The following SNX25 variants were observed in gnomAD, a reference collection of about 807,000 sequenced individuals.
SNX25 encodes the protein sorting nexin 25, also known as sorting nexin-25.
A neutral mutation model predicts 113.7 loss-of-function variants in SNX25; 62 were observed. That is an observed-to-expected ratio of 0.55 (90% CI 0.44 to 0.67). The LOEUF (loss-of-function observed/expected upper bound fraction) is 0.67. SNX25 is among the 30% of genes least tolerant of loss of function. The pLI, the probability that SNX25 is intolerant of heterozygous loss-of-function variation, is 0.00. For missense variants in SNX25, 1,014 were observed against 1,161.0 expected, an observed-to-expected ratio of 0.87 and a Z score of 1.84; for synonymous variants, 421 against 436.2, an observed-to-expected ratio of 0.97 and a Z score of 0.43.
Position 185,339,403 on chromosome 4 carries a change from A to G in SNX25, c.1939A>G (p.Ile647Val). Reference sequence around the variant, plus strand: ...GATTGTTTCCAAGTTGAAGGATGAAATAATCCTAATAGAGAAAGAACGCAC... The same window carrying G: ...GATTGTTTCCAAGTTGAAGGATGAAGTAATCCTAATAGAGAAAGAACGCAC... Reference protein sequence around the residue: ...KKIVSKLKDEIILIEKERTDL... With the variant: ...KKIVSKLKDEVILIEKERTDL... The change falls in exon 11 of 19, where the codon ATA (isoleucine) becomes GTA (valine). Residue 647 changes from isoleucine (I) to valine (V), a missense_variant. Physicochemically the swap from Ile to Val is conservative, Grantham distance 29. Transcript: ENST00000652585. The G allele has an allele frequency of 6.2e-7, 1 of 1,614,058 alleles. No homozygotes were observed. Among genetic ancestry groups the G allele is most frequent in the Non-Finnish European group, 8.5e-7 (1 of 1,179,940 alleles).
chr4:185,227,447 G>A (rs1293111725), intron 1 of SNX25, among the ~76,000 whole-genome samples: 6 of 152,172 alleles, frequency 3.9e-5, no homozygotes, highest in African/African-American at 1.2e-4. Context: ...TGCTGTTCCC[G>A]AGTTTACCAT....
At position 185,258,919 on chromosome 4, in the gene SNX25, T is replaced by C. The variant is rs756149661; in HGVS notation, c.586T>C (p.Tyr196His). ...GNLSRDEGQLYHLLLEDFWEI... is the reference protein window; with the variant it reads ...GNLSRDEGQLHHLLLEDFWEI... ...CCTCAGCAGAGATGAGGGACAACTTTACCATCTGCTCTTGGAAGACTTTTG... is the reference window on the plus strand; with the variant it reads ...CCTCAGCAGAGATGAGGGACAACTTCACCATCTGCTCTTGGAAGACTTTTG... Residue 196 changes from tyrosine to histidine, a missense_variant, in exon 3 of 19, where the codon TAC (tyrosine) becomes CAC (histidine). Transcript: ENST00000652585. 6.2e-7 allele frequency: 1 copy of C among 1,614,194 alleles called. No individual in the cohort carries two copies. Among genetic ancestry groups the C allele is most frequent in the South Asian group, 1.1e-5 (1 of 91,084 alleles).
At chr4:185,373,136 G>T, downstream of SNX25, 1 of 1,458,296 alleles carries the variant, frequency 6.9e-7, no homozygotes, top group South Asian at 1.2e-5. Flanking sequence ...AAATTATAAG[G>T]GAATACTAGA....
chr4:185,250,337 T>A (rs1224775555), intron 2 of SNX25, among the ~76,000 whole-genome samples: 1 of 152,212 alleles, frequency 6.6e-6, no homozygotes, highest in Admixed American at 6.5e-5. Context: ...CTCAGCTCTT[T>A]GAGTCTTCCA....
At chr4:185,348,832 T>G (rs775869372) in intron 13 of SNX25, among the ~76,000 whole-genome samples, 6 of 152,328 alleles carry the variant, frequency 3.9e-5, no homozygotes, top group Non-Finnish European at 2.9e-5. Context: ...CCTGTTAAAT[T>G]GTAACTTTCT....
At chr4:185,246,553 T>C (rs1164046082) in intron 1 of SNX25, among the ~76,000 whole-genome samples, 6 of 152,230 alleles carry the variant, frequency 3.9e-5, no homozygotes, top group Admixed American at 3.3e-4. Flanking sequence ...CCCTTTCAAC[T>C]TCTTTGGTTT....
intron 7 of SNX25, among the ~76,000 whole-genome samples, chr4:185,313,048 A>T: frequency 6.6e-6 from 1 of 152,164 alleles, no homozygotes; most frequent in East Asian, 1.9e-4. Context: ...CTATGACCTA[A>T]TCATATGTGA....
intron 2 of SNX25, among the ~76,000 whole-genome samples, chr4:185,254,300 A>G (rs1259351782): frequency 1.3e-5 from 2 of 152,206 alleles, no homozygotes; most frequent in Non-Finnish European, 2.9e-5. Flanking sequence ...TTTACAAACC[A>G]TAAAAGACCA....
chr4:185,326,365 A>ACCTGTTATTTG (rs2095157240), intron 9 of SNX25, among the ~76,000 whole-genome samples: 2 of 152,176 alleles, frequency 1.3e-5, no homozygotes, highest in Admixed American at 6.5e-5. Flanking sequence ...CAAAGTTATC[A>ACCTGTTATTTG]GAAACCTGCA....
intron 9 of SNX25, 149 bp downstream of exon 9, chr4:185,323,949 T>G: frequency 1.3e-6 from 1 of 779,516 alleles, no homozygotes; most frequent in East Asian, 2.7e-5. Flanking sequence ...CATCGTTTAA[T>G]ATACAAGACC....
rs71593618 is a variant in SNX25, at chr4:185,251,598, CGTGTGTGTGTGT to C, written c.514+4248_514+4259del. Among the ~76,000 whole-genome samples the C allele has an allele frequency of 4.3e-3, 628 of 147,270 alleles. 4 individuals carry two copies. Among genetic ancestry groups the C allele is most frequent in the Admixed American group, 7.9e-3 (117 of 14,876 alleles). ...TTTCAGGCTGAATGATATTCCATTG[CGTGTGTGTGTGT>C]GTGTGTGTGTGTGTGTGTGTGTGTG... On this transcript the variant is annotated intron_variant, in intron 2 of 18. Coordinates refer to ENST00000652585, the MANE Select transcript of SNX25 (RefSeq NM_001378034.2).
At chr4:185,213,448 A>T (rs983328510) in intron 1 of SNX25, among the ~76,000 whole-genome samples, 1 of 152,230 alleles carries the variant, frequency 6.6e-6, no homozygotes, top group Non-Finnish European at 1.5e-5. Flanking sequence ...TGAAGTCTTG[A>T]CAGATGATAT....
chr4:185,344,416 C>T (rs888050914), intron 12 of SNX25, among the ~76,000 whole-genome samples: 1 of 152,014 alleles, frequency 6.6e-6, no homozygotes, highest in Non-Finnish European at 1.5e-5. Flanking sequence ...GTGTCTGGTC[C>T]GTATCAGGAT....
chr4:185,320,988 T>A, intron 8 of SNX25, 124 bp downstream of exon 8: 1 of 768,710 alleles, frequency 1.3e-6, no homozygotes, highest in Non-Finnish European at 1.9e-6. Flanking sequence ...AATATAATAC[T>A]GACATTATGT....
chr4:185,234,560 T>TCA lies in SNX25; in HGVS notation c.430-12734_430-12733insCA, dbSNP rs1411969466. 2.6e-4 allele frequency among the ~76,000 whole-genome samples: 18 copies of TCA among 70,120 alleles called. 8 individuals are homozygous for TCA. The highest frequency in any genetic ancestry group is 5.6e-4 in the Non-Finnish European group (18 of 32,190). 46.0% of individuals were successfully genotyped at this position (70,120 alleles called of 152,430 possible). Reference sequence around the variant, plus strand: ...AGCCGGGCGTGGTGGCGGGCGCCTGTAGTCCCAGCTACTCGGGAGGCTGAG... The same window carrying TCA: ...AGCCGGGCGTGGTGGCGGGCGCCTGTCAAGTCCCAGCTACTCGGGAGGCTGAG... On this transcript the variant is annotated intron_variant, in intron 1 of 18. Coordinates refer to ENST00000652585, the MANE Select transcript of SNX25 (RefSeq NM_001378034.2).
At chr4:185,312,139 T>C (rs1034333399) in intron 7 of SNX25, among the ~76,000 whole-genome samples, 1 of 152,132 alleles carries the variant, frequency 6.6e-6, no homozygotes, top group Non-Finnish European at 1.5e-5. Context: ...GTAGATGAGG[T>C]CTTTGTCTTA....
intron 1 of SNX25, among the ~76,000 whole-genome samples, chr4:185,223,226 G>A (rs192877713): frequency 1.3e-5 from 2 of 151,966 alleles, no homozygotes; most frequent in South Asian, 2.1e-4. Flanking sequence ...TAGTTTTATC[G>A]CTCAAATGTG....
intron 5 of SNX25, among the ~76,000 whole-genome samples, chr4:185,268,864 A>G (rs187595353): frequency 6.6e-5 from 10 of 152,310 alleles, no homozygotes; most frequent in Non-Finnish European, 1.2e-4. Flanking sequence ...GACGGGTTCA[A>G]TTTACAAATA....
chr4:185,354,657 A>T (rs192021712), intron 15 of SNX25, among the ~76,000 whole-genome samples: 1 of 152,226 alleles, frequency 6.6e-6, no homozygotes, highest in Non-Finnish European at 1.5e-5. Flanking sequence ...TAAGAGCTAT[A>T]CAAGTGCCTC....
Sources: gnomAD v4.1 joint callset for allele counts (sites outside exome capture counted in the v4.1 genomes callset) on GRCh38, gnomAD v4.1.1 for gene constraint, MANE v1.5 for transcripts, NCBI Gene and HGNC (gene_info 2026-07-23, HGNC 2026-07-21) for gene names.